PHKA1: variants seen among roughly 807,000 people sequenced by gnomAD.
The protein encoded by PHKA1 is phosphorylase b kinase regulatory subunit alpha, skeletal muscle isoform.
PHKA1 carries 60 observed loss-of-function variants against 110.2 expected under a neutral mutation model. That is an observed-to-expected ratio of 0.54 (90% CI 0.44 to 0.68). PHKA1 has a LOEUF of 0.68. Ranked by LOEUF, PHKA1 falls within the 30% of genes least tolerant of loss-of-function variation. PHKA1 has a pLI of 0.00. For missense variants in PHKA1, 801 were observed against 942.5 expected, an observed-to-expected ratio of 0.85 and a Z score of 1.97; for synonymous variants, 316 against 333.6, an observed-to-expected ratio of 0.95 and a Z score of 0.58.
intron 4 of PHKA1, 118 bp from the exon 5 acceptor site, chrX:72,684,698 C>A (rs1482101147): frequency 3.0e-5 from 15 of 503,510 alleles, no homozygotes; most frequent in Non-Finnish European, 5.3e-5. Context: ...TGCCTAGGAA[C>A]AATGGAAGGC....
intron 26 of PHKA1, 141 bp from the exon 27 acceptor site, chrX:72,602,414 G>T: frequency 2.1e-6 from 1 of 482,162 alleles, no homozygotes. Flanking sequence ...TTGAAATGTG[G>T]TCCATGGACC....
At chrX:72,593,402 C>T (rs1038934727) in intron 28 of PHKA1, 128 bp from the exon 29 acceptor site, 7 of 502,259 alleles carry the variant, frequency 1.4e-5, no homozygotes, top group Middle Eastern at 4.7e-4. Flanking sequence ...AGTGGCGTGG[C>T]GCAATCTCGG....
chrX:72,667,623 G>A, intron 6 of PHKA1, 150 bp from the exon 7 acceptor site: 3 of 494,313 alleles, frequency 6.1e-6, no homozygotes, highest in Non-Finnish European at 1.0e-5. Flanking sequence ...TTTATTCCCA[G>A]GGCATTCTGA....
intron 29 of PHKA1, 74 bp from the exon 30 acceptor site, chrX:72,584,376 A>G: frequency 1.1e-6 from 1 of 929,537 alleles, no homozygotes; most frequent in Non-Finnish European, 1.6e-6. Flanking sequence ...GGAGGCTATG[A>G]GGAGACGCTG....
rs781786903 is a variant in PHKA1 at position 72,709,997 on chromosome X, G to T, written c.237+2782C>A. 2.8e-3 allele frequency among the ~76,000 whole-genome samples: 257 copies of T among 91,562 alleles called. 2 individuals are homozygous for T. Among genetic ancestry groups the T allele is most frequent in the Middle Eastern group, 7.9e-3 (1 of 127 alleles). The allele number at this position is 91,562 out of a possible 115,157, so 79.5% of individuals were successfully genotyped here. On this transcript the variant is annotated intron_variant, in intron 2 of 31. Transcript: ENST00000373542. ...ATGGAGATCGCAGTGAGCCGAGATC[G>T]CACCGCCGCACTCCAACCTGGGCAA...
At chrX:72,606,854 C>A (rs935137436) in intron 23 of PHKA1, among the ~76,000 whole-genome samples, 2 of 111,495 alleles carry the variant, frequency 1.8e-5, no homozygotes, top group Non-Finnish European at 3.8e-5. Context: ...ATCTCCACCC[C>A]CAACGCCCAT....
At chrX:72,637,733 C>A (rs2053245960) in intron 14 of PHKA1, among the ~76,000 whole-genome samples, 2 of 111,675 alleles carry the variant, frequency 1.8e-5, no homozygotes, top group Admixed American at 9.5e-5. Flanking sequence ...CCTTGAGATT[C>A]CATATAAATT....
intron 5 of PHKA1, among the ~76,000 whole-genome samples, chrX:72,682,636 T>C (rs1235034549): frequency 9.6e-6 from 1 of 104,509 alleles, no homozygotes; most frequent in African/African-American, 3.5e-5. Flanking sequence ...CCCAACCCTG[T>C]GCTCTCTGAA....
chrX:72,583,617 T>C (rs2052369848), intron 30 of PHKA1, among the ~76,000 whole-genome samples: 1 of 112,482 alleles, frequency 8.9e-6, no homozygotes, highest in Admixed American at 9.4e-5. Flanking sequence ...ACTTCAATCA[T>C]GCTAACACTA....
intron 2 of PHKA1, among the ~76,000 whole-genome samples, chrX:72,710,553 T>G (rs782115432): frequency 8.9e-6 from 1 of 112,053 alleles, no homozygotes; most frequent in East Asian, 2.8e-4. Context: ...TGAATCAGGT[T>G]TGAGAAAAAA....
At chrX:72,655,626 AT>A (rs1238254122) in intron 10 of PHKA1, among the ~76,000 whole-genome samples, 139 of 105,304 alleles carry the variant, frequency 1.3e-3, no homozygotes, top group Middle Eastern at 5.0e-3. Context: ...GAAACCAAAA[AT>A]TTTTTTTTTT....
At chrX:72,599,461 G>A (rs868919466) in intron 28 of PHKA1, among the ~76,000 whole-genome samples, 1 of 111,660 alleles carries the variant, frequency 9.0e-6, no homozygotes, top group South Asian at 3.8e-4. Flanking sequence ...AGCTAACCCA[G>A]TGGCTTTCAA....
In PHKA1 at chrX:72,620,909, G is replaced by T. The variant is rs1556276977; in HGVS notation, c.1961-8C>A. 1.7e-6 allele frequency: 2 copies of T among 1,209,382 alleles called. No individual in the cohort carries two copies. The highest frequency in any genetic ancestry group is 2.2e-5 in the Admixed American group (1 of 45,919). ...CTTCATCACCACAGCGAGCTGCAAGGTTAGTGGGGGGAGGGGGAAGAGAAA... is the reference window on the plus strand; with the variant it reads ...CTTCATCACCACAGCGAGCTGCAAGTTTAGTGGGGGGAGGGGGAAGAGAAA... On this transcript the variant is annotated splice_polypyrimidine_tract_variant and splice_region_variant and intron_variant, in intron 18 of 31. Transcript: ENST00000373542.
At chrX:72,638,686 C>G (rs1556293303) in intron 14 of PHKA1, among the ~76,000 whole-genome samples, 1 of 111,219 alleles carries the variant, frequency 9.0e-6, no homozygotes, top group African/African-American at 3.3e-5. Flanking sequence ...AAGAACTCGT[C>G]TATTTATGGT....
intron 28 of PHKA1, among the ~76,000 whole-genome samples, chrX:72,596,548 TAAG>T (rs1471653119): frequency 1.3e-4 from 15 of 111,247 alleles, no homozygotes; most frequent in Admixed American, 7.6e-4. Context: ...AAAATAACGT[TAAG>T]AATAACAAAA....
intron 1 of PHKA1, 88 bp downstream of exon 1, chrX:72,713,715 C>G: frequency 1.4e-6 from 1 of 713,273 alleles, no homozygotes; most frequent in South Asian, 2.2e-5. Context: ...CACACGCACG[C>G]ACGCACGGAG....
At chrX:72,665,021 C>A (rs1439770884) in intron 8 of PHKA1, among the ~76,000 whole-genome samples, 2 of 110,141 alleles carry the variant, frequency 1.8e-5, no homozygotes, top group Non-Finnish European at 3.8e-5. Flanking sequence ...TAGAAAAGAA[C>A]AAACAGAACC....
At chrX:72,697,531 A>C (rs1307144910) in intron 3 of PHKA1, among the ~76,000 whole-genome samples, 1 of 109,158 alleles carries the variant, frequency 9.2e-6, no homozygotes, top group Non-Finnish European at 1.9e-5. Flanking sequence ...AAAAAAAAAC[A>C]AGGTCTCCTA....
At chrX:72,625,087 A>C in intron 17 of PHKA1, among the ~76,000 whole-genome samples, 1 of 111,500 alleles carries the variant, frequency 9.0e-6, no homozygotes, top group Non-Finnish European at 1.9e-5. Context: ...TTCTCCTTCT[A>C]CTTTATTTAT....
Sources: gnomAD v4.1 joint callset for allele counts (sites outside exome capture counted in the v4.1 genomes callset) on GRCh38, gnomAD v4.1.1 for gene constraint, MANE v1.5 for transcripts, NCBI Gene and HGNC (gene_info 2026-07-23, HGNC 2026-07-21) for gene names.